TENM3: variants seen among roughly 807,000 people sequenced by gnomAD.
TENM3 encodes the protein teneurin-3.
In TENM3, 63 loss-of-function variants were observed where a neutral mutation model predicts 255.1. The observed-to-expected ratio is 0.25, with a 90% CI of 0.20 to 0.30. TENM3 has a LOEUF of 0.30. Among genes scored for constraint, TENM3 ranks in the 10% least tolerant of loss-of-function variants. The probability of loss-of-function intolerance (pLI) is 1.00; values close to 1 mark genes in which losing one functional copy is unlikely to be tolerated. For missense variants in TENM3, 2,929 were observed against 3,461.1 expected (o/e 0.85, Z 3.86); for synonymous variants, 1,306 against 1,322.3 (o/e 0.99, Z 0.27).
chr4:182,040,074 CAGGGGAGGGGAGGGGAGAAG>C, the TENM3 span, among the ~76,000 whole-genome samples: 1 of 1,022 alleles, frequency 9.8e-4, no homozygotes, highest in Non-Finnish European at 2.0e-3. Flanking sequence ...CAGAAGAGGG[CAGGGGAGGGGAGGGGAGAAG>C]AGGGCAGGGG....
chr4:182,055,618 G>A, the TENM3 span, among the ~76,000 whole-genome samples: 2 of 152,062 alleles, frequency 1.3e-5, no homozygotes, highest in Non-Finnish European at 2.9e-5. Context: ...TTGCTGTAGC[G>A]CTAATTTCCT....
the TENM3 span, among the ~76,000 whole-genome samples, chr4:181,991,562 T>TGTCATCGTCC: frequency 2.6e-5 from 4 of 152,178 alleles, no homozygotes; most frequent in Admixed American, 2.6e-4. Context: ...GTCCAGTGGC[T>TGTCATCGTCC]ACTCACTGGC....
At chr4:182,155,792 GTCT>G (rs1750664612) in intron 1 of TENM3, among the ~76,000 whole-genome samples, 3 of 151,938 alleles carry the variant, frequency 2.0e-5, no homozygotes, top group African/African-American at 4.8e-5. Context: ...TTAAATCATT[GTCT>G]GATCGAGAAA....
chr4:181,465,885 T>C, the TENM3 span, among the ~76,000 whole-genome samples: 1 of 152,054 alleles, frequency 6.6e-6, no homozygotes, highest in Non-Finnish European at 1.5e-5. Context: ...TGGTTTTAGG[T>C]CCCGCCGTGC....
intron 16 of TENM3, among the ~76,000 whole-genome samples, chr4:182,736,200 C>A (rs944145514): frequency 2.0e-5 from 3 of 152,196 alleles, no homozygotes; most frequent in Non-Finnish European, 4.4e-5. Context: ...TACAATCTAA[C>A]CCAAACGATT....
intron 5 of TENM3, among the ~76,000 whole-genome samples, chr4:182,633,882 A>T (rs1277765535): frequency 1.3e-5 from 2 of 152,170 alleles, no homozygotes; most frequent in African/African-American, 4.8e-5. Context: ...CTTTTGAAAG[A>T]TTGTTTCAGT....
chr4:181,718,327 G>A, the TENM3 span, among the ~76,000 whole-genome samples: 129 of 152,218 alleles, frequency 8.5e-4, no homozygotes, highest in Non-Finnish European at 1.6e-3. Flanking sequence ...GTGTGTACCC[G>A]TCACTGAAAC....
chr4:182,440,863 T>C (rs144010432), intron 3 of TENM3, among the ~76,000 whole-genome samples: 26 of 151,974 alleles, frequency 1.7e-4, no homozygotes, highest in East Asian at 7.8e-4. Flanking sequence ...TGGGGATACA[T>C]GTGAAGGTTT....
the TENM3 span, among the ~76,000 whole-genome samples, chr4:182,102,634 T>A: frequency 6.6e-6 from 1 of 152,188 alleles, no homozygotes; most frequent in Non-Finnish European, 1.5e-5. Flanking sequence ...TTCTGAGGTC[T>A]TCCCTTGCTT....
At chr4:181,969,012 G>A in the TENM3 span, among the ~76,000 whole-genome samples, 16 of 148,518 alleles carry the variant, frequency 1.1e-4, no homozygotes, top group South Asian at 2.2e-4. Flanking sequence ...ATATATGTGT[G>A]TGTGTGTATG....
At chr4:182,324,824 C>G (rs765442057) in intron 2 of TENM3, among the ~76,000 whole-genome samples, 4 of 152,214 alleles carry the variant, frequency 2.6e-5, no homozygotes, top group Non-Finnish European at 4.4e-5. Flanking sequence ...TACCTTAACA[C>G]TTCCTAGTTT....
Position 182,792,264 on chromosome 4 carries a change from C to G in TENM3, c.5602-10C>G, listed in dbSNP as rs1248192799. 6.2e-7 allele frequency: 1 copy of G among 1,609,064 alleles called. No homozygotes were observed. Among genetic ancestry groups the G allele is most frequent in the Non-Finnish European group, 8.5e-7 (1 of 1,176,220 alleles). ...CAAACACTGAGTAACAGTATGTTCT[C>G]TCTTTACAGTCCATGGTTCTTCTGC... On this transcript the variant is annotated splice_polypyrimidine_tract_variant and intron_variant, in intron 25 of 27. Transcript: ENST00000511685. The surrounding 1 kb of genome is among the most constrained non-coding windows in gnomAD (Gnocchi z 6.3).
At chr4:182,765,279 GT>G (rs1032739544) in intron 22 of TENM3, among the ~76,000 whole-genome samples, 18 of 152,116 alleles carry the variant, frequency 1.2e-4, no homozygotes, top group Non-Finnish European at 2.5e-4. Context: ...AAAAAAGAAG[GT>G]GCAAATATGT....
chr4:182,727,600 A>G (rs889338076), intron 13 of TENM3, among the ~76,000 whole-genome samples: 1 of 152,200 alleles, frequency 6.6e-6, no homozygotes, highest in Non-Finnish European at 1.5e-5. Flanking sequence ...TGCATGGGCC[A>G]TTGAGTGTAG....
chr4:182,500,436 C>T (rs182090410), intron 3 of TENM3, among the ~76,000 whole-genome samples: 2 of 152,068 alleles, frequency 1.3e-5, no homozygotes, highest in Admixed American at 6.6e-5. Flanking sequence ...AATTGAAGAG[C>T]AGTGAGATAT....
the TENM3 span, among the ~76,000 whole-genome samples, chr4:181,888,498 A>ATATATG: frequency 2.0e-3 from 42 of 20,714 alleles, 3 homozygotes; most frequent in East Asian, 5.4e-3. Flanking sequence ...AAATGTGTAT[A>ATATATG]TATATATATA....
At chr4:181,916,267 TG>T in the TENM3 span, among the ~76,000 whole-genome samples, 2 of 152,222 alleles carry the variant, frequency 1.3e-5, no homozygotes, top group African/African-American at 4.8e-5. Context: ...CAAGGCAAAC[TG>T]TCCTTTCTAA....
intron 3 of TENM3, among the ~76,000 whole-genome samples, chr4:182,502,910 C>CT (rs10671906): frequency 0.1 from 7,981 of 77,240 alleles, 1,073 homozygotes; most frequent in African/African-American, 0.22. Context: ...TGAAGTCAGC[C>CT]TTTTTTTTTT....
chr4:181,662,623 T>C, the TENM3 span, among the ~76,000 whole-genome samples: 2 of 152,206 alleles, frequency 1.3e-5, no homozygotes, highest in Non-Finnish European at 2.9e-5. Flanking sequence ...ATGTATGCCT[T>C]CTACTGAATA....
Sources: gnomAD v4.1 joint callset for allele counts (sites outside exome capture counted in the v4.1 genomes callset) on GRCh38, gnomAD v4.1.1 for gene constraint, Gnocchi (gnomAD v3.1) non-coding constraint, MANE v1.5 for transcripts, NCBI Gene and HGNC (gene_info 2026-07-23, HGNC 2026-07-21) for gene names.